Variants in SLC24A2 observed in about 807,000 individuals in gnomAD.
The protein encoded by SLC24A2 is solute carrier family 24 member 2, also known as sodium/potassium/calcium exchanger 2.
In SLC24A2, 36 loss-of-function variants were observed where a neutral mutation model predicts 62.0. That is an observed-to-expected ratio of 0.58 (90% confidence interval 0.44 to 0.77). The LOEUF (loss-of-function observed/expected upper bound fraction) is 0.77. Ranked by LOEUF, SLC24A2 falls within the 30% of genes least tolerant of loss-of-function variation. The probability of loss-of-function intolerance (pLI) is 0.00; values close to 1 mark genes in which losing one functional copy is unlikely to be tolerated. For synonymous variants in SLC24A2, 358 were observed against 294.0 expected, an observed-to-expected ratio of 1.22 and a Z score of -2.23; for missense variants, 846 against 817.9, an observed-to-expected ratio of 1.03 and a Z score of -0.42.
the SLC24A2 span, among the ~76,000 whole-genome samples, chr9:20,196,831 C>CTAAAAA: frequency 6.6e-6 from 1 of 152,058 alleles, no homozygotes; most frequent in African/African-American, 2.4e-5. Flanking sequence ...TAACATCATC[C>CTAAAAA]CCTCCTAAAA....
At chr9:19,971,496 C>T in the SLC24A2 span, among the ~76,000 whole-genome samples, 49 of 152,302 alleles carry the variant, frequency 3.2e-4, no homozygotes, top group African/African-American at 1.1e-3. Flanking sequence ...AAGCCACTTC[C>T]AGGCAGGGGA....
intron 2 of SLC24A2, among the ~76,000 whole-genome samples, chr9:19,719,755 A>T (rs1157134298): frequency 6.6e-6 from 1 of 152,204 alleles, no homozygotes; most frequent in African/African-American, 2.4e-5. Flanking sequence ...AACTACCTAG[A>T]TGTCTGAGAA....
At chr9:19,975,658 G>T in the SLC24A2 span, among the ~76,000 whole-genome samples, 7 of 152,122 alleles carry the variant, frequency 4.6e-5, no homozygotes, top group Admixed American at 2.6e-4. Flanking sequence ...TTATTATTAT[G>T]ACACATATCC....
At chr9:19,742,408 C>G (rs542399210) in intron 2 of SLC24A2, among the ~76,000 whole-genome samples, 27 of 152,080 alleles carry the variant, frequency 1.8e-4, no homozygotes, top group African/African-American at 6.5e-4. Flanking sequence ...GGTGTGAAGA[C>G]CAGAAATAAG....
the SLC24A2 span, among the ~76,000 whole-genome samples, chr9:20,078,782 C>A: frequency 1.3e-5 from 2 of 152,192 alleles, no homozygotes; most frequent in African/African-American, 2.4e-5. Flanking sequence ...GCCTCCCTAT[C>A]CCAATCCTCA....
chr9:19,890,705 T>A, the SLC24A2 span, among the ~76,000 whole-genome samples: 3 of 152,080 alleles, frequency 2.0e-5, no homozygotes, highest in Admixed American at 6.6e-5. Context: ...GATACAGGAG[T>A]CTCACTATGT....
At chr9:20,219,375 T>A in the SLC24A2 span, among the ~76,000 whole-genome samples, 49 of 152,146 alleles carry the variant, frequency 3.2e-4, no homozygotes, top group African/African-American at 1.2e-3. Flanking sequence ...GACACTGACT[T>A]TAGAAGAAAG....
At chr9:19,556,126 TA>T (rs1315681272) in intron 7 of SLC24A2, among the ~76,000 whole-genome samples, 3 of 152,186 alleles carry the variant, frequency 2.0e-5, no homozygotes, top group Non-Finnish European at 4.4e-5. Flanking sequence ...ACTGGAAGGG[TA>T]AAATCAGCTT....
chr9:19,517,910 AACACACACACACACACACAC>A (rs56840950), intron 10 of SLC24A2, among the ~76,000 whole-genome samples: 29 of 131,720 alleles, frequency 2.2e-4, no homozygotes, highest in East Asian at 9.7e-4. Context: ...TTCTTATTAA[AACACACACACACACACACAC>A]ACACACACAC....
chr9:19,934,862 G>A, the SLC24A2 span, among the ~76,000 whole-genome samples: 1 of 152,012 alleles, frequency 6.6e-6, no homozygotes, highest in Non-Finnish European at 1.5e-5. The surrounding 1 kb of genome is among the most constrained non-coding windows in gnomAD (Gnocchi z 4.1). Flanking sequence ...AAGGAGGAGC[G>A]GTGAGTGGTG....
the SLC24A2 span, among the ~76,000 whole-genome samples, chr9:20,091,053 A>G: frequency 6.6e-6 from 1 of 152,242 alleles, no homozygotes; most frequent in Non-Finnish European, 1.5e-5. Context: ...AGAATTTCAC[A>G]ATACAATAGC....
the SLC24A2 span, among the ~76,000 whole-genome samples, chr9:19,831,531 GAAAT>G: frequency 6.6e-6 from 1 of 152,096 alleles, no homozygotes; most frequent in African/African-American, 2.4e-5. Flanking sequence ...AAATAAATTT[GAAAT>G]CAAATCAGTT....
At chr9:19,975,900 T>TGTTTGTTTG in the SLC24A2 span, among the ~76,000 whole-genome samples, 2 of 150,898 alleles carry the variant, frequency 1.3e-5, no homozygotes, top group African/African-American at 2.4e-5. Flanking sequence ...AAACATACGT[T>TGTTTGTTTG]TTTGTTTGTT....
At chr9:19,738,379 C>T (rs1414680645) in intron 2 of SLC24A2, among the ~76,000 whole-genome samples, 1 of 151,998 alleles carries the variant, frequency 6.6e-6, no homozygotes, top group Non-Finnish European at 1.5e-5. Flanking sequence ...TAAAAGTGGA[C>T]ATTTAGGGTA....
intron 5 of SLC24A2, 31 bp from the exon 6 acceptor site, chr9:19,577,053 C>G: frequency 1.3e-6 from 2 of 1,571,658 alleles, no homozygotes; most frequent in Admixed American, 3.3e-5. Context: ...AGGAAGGAGA[C>G]ACAATGAGAA....
intron 2 of SLC24A2, among the ~76,000 whole-genome samples, chr9:19,652,259 T>A (rs936615147): frequency 6.6e-6 from 1 of 152,180 alleles, no homozygotes; most frequent in Admixed American, 6.5e-5. Flanking sequence ...GATATTACCA[T>A]GGTAGGCTGA....
chr9:19,671,398 T>G (rs1376307540), intron 2 of SLC24A2, among the ~76,000 whole-genome samples: 1 of 152,150 alleles, frequency 6.6e-6, no homozygotes, highest in Non-Finnish European at 1.5e-5. Flanking sequence ...TTGTGTTCTT[T>G]AATTTTGTGT....
the SLC24A2 span, among the ~76,000 whole-genome samples, chr9:19,921,688 G>A: frequency 6.6e-5 from 10 of 151,988 alleles, no homozygotes; most frequent in East Asian, 1.9e-4. Context: ...AATGCATTTC[G>A]GTAAAGTTTA....
intron 4 of SLC24A2, among the ~76,000 whole-genome samples, chr9:19,618,327 T>G (rs1308794843): frequency 2.0e-5 from 3 of 152,232 alleles, no homozygotes; most frequent in South Asian, 2.1e-4. Context: ...TGGACCTCCG[T>G]GTAGATAGAG....
Sources: gnomAD v4.1 joint callset for allele counts (sites outside exome capture counted in the v4.1 genomes callset) on GRCh38, gnomAD v4.1.1 for gene constraint, Gnocchi (gnomAD v3.1) non-coding constraint, MANE v1.5 for transcripts, NCBI Gene and HGNC (gene_info 2026-07-23, HGNC 2026-07-21) for gene names.